The following CEP295 variants were observed in gnomAD, a reference collection of about 807,000 sequenced individuals.
The protein encoded by CEP295 is centrosomal protein 295, also known as centrosomal protein of 295 kDa.
CEP295 carries 190 observed loss-of-function variants against 291.6 expected under a neutral mutation model. The ratio of observed to expected loss-of-function variants is 0.65; its 90% CI spans 0.58 to 0.73. The LOEUF (loss-of-function observed/expected upper bound fraction) is 0.73, where lower values mean the gene tolerates loss of function less well. Among genes scored for constraint, CEP295 ranks in the 30% least tolerant of loss-of-function variants. The pLI is 0.00. For missense variants in CEP295, 2,863 were observed against 2,949.4 expected (o/e 0.97, Z 0.68); for synonymous variants, 993 against 1,038.8 (o/e 0.96, Z 0.85).
intron 12 of CEP295, among the ~76,000 whole-genome samples, chr11:93,692,261 A>G (rs1025565402): frequency 6.6e-6 from 1 of 152,174 alleles, no homozygotes; most frequent in Non-Finnish European, 1.5e-5. Context: ...GATCTTCCCT[A>G]TAAAATTTAT....
chr11:93,695,677 A>AG (rs1189992027), intron 13 of CEP295, 43 bp downstream of exon 13: 28 of 1,469,140 alleles, frequency 1.9e-5, no homozygotes, highest in African/African-American at 1.0e-4. Context: ...TCATTTGGTA[A>AG]GGGGGGCAAG....
chr11:93,674,211 C>T (rs1456967231), intron 5 of CEP295, among the ~76,000 whole-genome samples: 1 of 152,246 alleles, frequency 6.6e-6, no homozygotes, highest in Admixed American at 6.5e-5. Context: ...GATCCACCTG[C>T]CTTGGCCTCC....
chr11:93,694,737 C>G (rs2135077866), intron 12 of CEP295, among the ~76,000 whole-genome samples: 2 of 152,336 alleles, frequency 1.3e-5, no homozygotes, highest in East Asian at 3.9e-4. Context: ...TGCAAGATTT[C>G]ATCACACTAC....
Position 93,723,232 on chromosome 11 carries a change from A to G in CEP295, c.6139A>G (p.Met2047Val). The change falls in exon 21 of 30, where the codon ATG becomes GTG. Residue 2047 changes from methionine (M) to valine (V), a missense_variant. Coordinates refer to ENST00000325212, the MANE Select transcript of CEP295 (RefSeq NM_033395.2). Reference protein sequence around the residue: ...TTCGHTHFQQMIDKYINEANL... With the variant: ...TTCGHTHFQQVIDKYINEANL... ...ATGTGGTCACACACACTTTCAGCAA[A>G]TGATAGACAAGTACATTAATGAAGC... is the stretch of plus-strand genomic sequence containing the variant. The G allele has an allele frequency of 6.5e-7, 1 of 1,550,374 alleles. No individual in the cohort carries two copies. Among genetic ancestry groups the G allele is most frequent in the East Asian group, 2.4e-5 (1 of 40,914 alleles).
In CEP295 at chr11:93,727,085, A is replaced by T. The variant is rs188216869; in HGVS notation, c.6609A>T (p.Gln2203His). ...IFSIEARDSSQGMKNQNYPSE... is the reference protein window; with the variant it reads ...IFSIEARDSSHGMKNQNYPSE... ...GCATTGAAGCAAGAGATTCTTCCCA[A>T]GGCATGAAAAATCAGAACTATCCCT... Residue 2203 changes from glutamine to histidine, a missense_variant, in exon 24 of 30, where the codon CAA (glutamine) becomes CAT (histidine). Coordinates refer to ENST00000325212, the MANE Select transcript of CEP295 (RefSeq NM_033395.2). 5 of 1,551,664 alleles carry T rather than the reference A, an allele frequency of 3.2e-6. No individual in the cohort carries two copies. The highest frequency in any genetic ancestry group is 4.4e-6 in the Non-Finnish European group (5 of 1,146,834).
intron 18 of CEP295, among the ~76,000 whole-genome samples, chr11:93,707,582 A>C (rs1779551589): frequency 6.6e-6 from 1 of 152,044 alleles, no homozygotes; most frequent in Admixed American, 6.6e-5. Flanking sequence ...AACACCGTGA[A>C]ACCCTGTCTA....
In CEP295 at chr11:93,696,786, A is replaced by T. The variant is rs1486185752; in HGVS notation, c.1874A>T (p.Asp625Val). ...GTGTCAGCTCCATCATTGATAACTG[A>T]TTCTGTTATATCAGTGCCATCATGG... is the stretch of plus-strand genomic sequence containing the variant. ...PSVSAPSLIT[D>V]SVISVPSWKS... The change falls in exon 15 of 30, where the codon GAT becomes GTT. Residue 625 changes from aspartate to valine, a missense_variant. By Grantham distance (152) the Asp-to-Val change is radical. This residue lies in a region of CEP295 where 2,295 missense variants were observed against 2,335.7 expected (regional missense o/e 0.98). Transcript: ENST00000325212. The T allele has an allele frequency of 6.4e-7, 1 of 1,551,692 alleles. No homozygotes were observed. The highest frequency in any genetic ancestry group is 2.4e-5 in the East Asian group (1 of 40,918).
chr11:93,723,240 CAAGT>C lies in CEP295; in HGVS notation c.6149_6152del (p.Lys2050ThrfsTer7). 6.5e-7 allele frequency: 1 copy of C among 1,547,340 alleles called. No homozygotes were observed. The highest frequency in any genetic ancestry group is 8.7e-7 in the Non-Finnish European group (1 of 1,144,636). On this transcript the variant is annotated frameshift_variant, in exon 21 of 30. Coordinates refer to ENST00000325212, the MANE Select transcript of CEP295 (RefSeq NM_033395.2). LOFTEE classifies it high-confidence loss of function. Reference sequence around the variant, plus strand: ...ACACACACTTTCAGCAAATGATAGACAAGTACATTAATGAAGCAAATTTGATACC... The same window carrying C: ...ACACACACTTTCAGCAAATGATAGACACATTAATGAAGCAAATTTGATACC...
intron 7 of CEP295, among the ~76,000 whole-genome samples, chr11:93,681,043 G>T (rs1266040801): frequency 6.6e-6 from 1 of 152,058 alleles, no homozygotes; most frequent in Non-Finnish European, 1.5e-5. Context: ...CCCATCTAAG[G>T]TTTAAACCTA....
At position 93,704,204 on chromosome 11, in the gene CEP295, A is replaced by G. The variant is rs376516777; in HGVS notation, c.5596+1285A>G. 1.6e-4 allele frequency among the ~76,000 whole-genome samples: 24 copies of G among 152,342 alleles called. No homozygotes were observed. The East Asian group carries it at 4.2e-3, about 27-fold the overall frequency. On this transcript the variant is annotated intron_variant, in intron 17 of 29. Coordinates refer to ENST00000325212, the MANE Select transcript of CEP295 (RefSeq NM_033395.2). ...TTAAAGGGGAACATTAGCTTTGTCA[A>G]TAGAAAGGTACTTAGAAGTTGTATC...
At chr11:93,670,986 G>A (rs1950418961) in intron 5 of CEP295, among the ~76,000 whole-genome samples, 3 of 152,004 alleles carry the variant, frequency 2.0e-5, no homozygotes, top group Admixed American at 2.0e-4. Flanking sequence ...GGGTTCCAGC[G>A]ATCCTCCCAC....
chr11:93,671,255 G>T (rs1322050998), intron 5 of CEP295, among the ~76,000 whole-genome samples: 1 of 152,132 alleles, frequency 6.6e-6, no homozygotes, highest in Non-Finnish European at 1.5e-5. Flanking sequence ...AAGGGTTGGG[G>T]TAATAATCAA....
Position 93,699,118 on chromosome 11 carries a change from G to A in CEP295, c.4206G>A (p.Gln1402=). Residue 1402 remains glutamine (Q), a synonymous_variant, in exon 15 of 30, where the codon CAG becomes CAA. Transcript: ENST00000325212. Reference sequence around the variant, plus strand: ...CCTCTTCCTTACCCCTAGTACCACAGCATTCATTCGCCTCATTACCTCTTA... The same window carrying A: ...CCTCTTCCTTACCCCTAGTACCACAACATTCATTCGCCTCATTACCTCTTA... The part of the protein sequence containing the change: ...VDTSSLPLVP[Q]HSFASLPLNE... 6.5e-7 allele frequency: 1 copy of A among 1,549,630 alleles called. No individual in the cohort carries two copies. Among genetic ancestry groups the A allele is most frequent in the Non-Finnish European group, 8.7e-7 (1 of 1,147,066 alleles).
At chr11:93,671,163 G>A (rs778419842) in intron 5 of CEP295, among the ~76,000 whole-genome samples, 1 of 152,164 alleles carries the variant, frequency 6.6e-6, no homozygotes, top group Non-Finnish European at 1.5e-5. Context: ...GATTACAGAT[G>A]TGAGCCACTG....
At chr11:93,666,071 G>C (rs1950196695) in intron 1 of CEP295, among the ~76,000 whole-genome samples, 1 of 152,260 alleles carries the variant, frequency 6.6e-6, no homozygotes, top group South Asian at 2.1e-4. Flanking sequence ...ATGCTAACCA[G>C]GAATAAGTCA....
chr11:93,701,935 GGTTGTTGTTTTT>G (rs1392546456), intron 15 of CEP295, among the ~76,000 whole-genome samples: 2 of 151,862 alleles, frequency 1.3e-5, no homozygotes. Context: ...GGCTGTGAAT[GGTTGTTGTTTTT>G]GTTGTTGTTG....
At chr11:93,687,554 G>C (rs1400824513) in intron 9 of CEP295, 90 bp from the exon 10 acceptor site, 1 of 675,270 alleles carries the variant, frequency 1.5e-6, no homozygotes, top group Non-Finnish European at 2.5e-6. Flanking sequence ...TTAACTAGTG[G>C]TTATAGCAGT....
intron 1 of CEP295, among the ~76,000 whole-genome samples, chr11:93,665,733 A>G (rs527429192): frequency 6.6e-6 from 1 of 152,318 alleles, no homozygotes; most frequent in East Asian, 1.9e-4. Context: ...AGATCTGGAA[A>G]ACTAAACGCT....
intron 15 of CEP295, among the ~76,000 whole-genome samples, chr11:93,700,494 C>T (rs1378639871): frequency 1.4e-5 from 2 of 146,306 alleles, no homozygotes; most frequent in Admixed American, 6.9e-5. Flanking sequence ...GGCACCATGT[C>T]GGCTCACTGC....
Sources: gnomAD v4.1 joint callset for allele counts (sites outside exome capture counted in the v4.1 genomes callset) on GRCh38, gnomAD v4.1.1 for gene constraint, gnomAD v4.1.1 regional missense constraint, MANE v1.5 for transcripts, NCBI Gene and HGNC (gene_info 2026-07-23, HGNC 2026-07-21) for gene names.